The following ARID4A variants were observed in gnomAD, a reference collection of about 807,000 sequenced individuals.
The protein encoded by ARID4A is AT-rich interaction domain 4A.
Under a neutral mutation model 148.6 loss-of-function variants are expected in ARID4A, and 39 were observed. That is an observed-to-expected ratio of 0.26 (90% CI 0.20 to 0.34). The LOEUF is 0.34. Among genes scored for constraint, ARID4A ranks in the 10% least tolerant of loss-of-function variants. The probability of loss-of-function intolerance (pLI) is 1.00; values close to 1 mark genes in which losing one functional copy is unlikely to be tolerated. For missense variants in ARID4A, 1,265 were observed against 1,449.1 expected, an observed-to-expected ratio of 0.87 and a Z score of 2.06; for synonymous variants, 475 against 481.2, an observed-to-expected ratio of 0.99 and a Z score of 0.17.
chr14:58,332,655 T>C (rs141209401), intron 11 of ARID4A, among the ~76,000 whole-genome samples: 59 of 152,232 alleles, frequency 3.9e-4, no homozygotes, highest in African/African-American at 1.4e-3. Context: ...GTAAAATGAA[T>C]AAAAATCTGA....
At chr14:58,346,743 C>A (rs2034382187) in intron 13 of ARID4A, among the ~76,000 whole-genome samples, 1 of 151,108 alleles carries the variant, frequency 6.6e-6, no homozygotes, top group Non-Finnish European at 1.5e-5. Context: ...GCCTGGGCAA[C>A]ATGGCGAAAC....
At chr14:58,328,163 A>G in intron 8 of ARID4A, 74 bp from the exon 9 acceptor site, 3 of 1,085,446 alleles carry the variant, frequency 2.8e-6, no homozygotes, top group Non-Finnish European at 4.2e-6. Flanking sequence ...GGGATCCAGA[A>G]TTGTTCTTTT....
At position 58,351,101 on chromosome 14, in the gene ARID4A, A is replaced by T. The variant is rs1006687529; in HGVS notation, c.1433A>T (p.Asn478Ile). The change falls in exon 16 of 24, where the codon AAT becomes ATT. Residue 478 changes from asparagine (N) to isoleucine (I), a missense_variant. This residue lies in a region of ARID4A where 205 missense variants were observed against 196.9 expected (regional missense o/e 1.04). Coordinates refer to ENST00000355431, the MANE Select transcript of ARID4A (RefSeq NM_002892.4). Reference protein sequence around the residue: ...RGRRRIARDVNSIKKEIEEEK... With the variant: ...RGRRRIARDVISIKKEIEEEK... ...CGAAGGAGAATTGCTCGAGATGTAAATTCTATTAAAAAGGAAATTGAAGAA... is the reference window on the plus strand; with the variant it reads ...CGAAGGAGAATTGCTCGAGATGTAATTTCTATTAAAAAGGAAATTGAAGAA... 1 of 1,598,378 alleles carries T rather than the reference A, an allele frequency of 6.3e-7. No homozygotes were observed. The highest frequency in any genetic ancestry group is 8.5e-7 in the Non-Finnish European group (1 of 1,176,494).
chr14:58,316,819 G>T (rs2032450644), intron 5 of ARID4A, among the ~76,000 whole-genome samples: 1 of 151,874 alleles, frequency 6.6e-6, no homozygotes, highest in Non-Finnish European at 1.5e-5. Flanking sequence ...ACCTCAGGTG[G>T]TCCGCCCGCC....
At chr14:58,369,201 T>G (rs1359839459) in intron 23 of ARID4A, among the ~76,000 whole-genome samples, 1 of 152,060 alleles carries the variant, frequency 6.6e-6, no homozygotes, top group Admixed American at 6.6e-5. Context: ...CAAGAGGAAG[T>G]TGTCATCAAA....
rs1400796145 is a variant in ARID4A, at chr14:58,366,188, C to G, written c.3481C>G (p.Pro1161Ala). 6.2e-7 allele frequency: 1 copy of G among 1,613,680 alleles called. No individual in the cohort carries two copies. The highest frequency in any genetic ancestry group is 1.3e-5 in the African/African-American group (1 of 74,886). ...GAAAGATAAACACAGAGAAAAACAT[C>G]CGAATTCATCCCCTAGGACATATAA... ...GEKDKHREKH[P>A]NSSPRTYKWS... Residue 1161 changes from proline to alanine, a missense_variant, in exon 22 of 24, where the codon CCG becomes GCG. By Grantham distance (27) the Pro-to-Ala change is conservative. Coordinates refer to ENST00000355431, the MANE Select transcript of ARID4A (RefSeq NM_002892.4).
At position 58,344,683 on chromosome 14, in the gene ARID4A, T is replaced by G. The variant is rs2034271387; in HGVS notation, c.907-12T>G. On this transcript the variant is annotated splice_polypyrimidine_tract_variant and intron_variant, in intron 11 of 23. Transcript: ENST00000355431. ...TCACTGTGCCATACATTTATATATT[T>G]TATCTTTACAGCCTGAGGAAGAACT... 3.1e-6 allele frequency: 5 copies of G among 1,596,272 alleles called. No homozygotes were observed. The highest frequency in any genetic ancestry group is 4.3e-6 in the Non-Finnish European group (5 of 1,167,782).
intron 11 of ARID4A, among the ~76,000 whole-genome samples, chr14:58,343,888 C>CT (rs1465093423): frequency 6.6e-6 from 1 of 151,612 alleles, no homozygotes; most frequent in Non-Finnish European, 1.5e-5. Context: ...GAGTAATACT[C>CT]TAAGTTATGA....
chr14:58,370,732 C>T (rs2035571002), intron 23 of ARID4A, among the ~76,000 whole-genome samples: 1 of 152,090 alleles, frequency 6.6e-6, no homozygotes, highest in South Asian at 2.1e-4. Flanking sequence ...ACCTCAGCCT[C>T]CCGAGTAGCT....
chr14:58,317,396 C>T (rs560451510), intron 5 of ARID4A, among the ~76,000 whole-genome samples: 67 of 147,966 alleles, frequency 4.5e-4, no homozygotes, highest in Non-Finnish European at 7.8e-4. Flanking sequence ...GCCATTCTCC[C>T]GCCTCAGCCT....
intron 15 of ARID4A, among the ~76,000 whole-genome samples, 194 bp downstream of exon 15, chr14:58,348,072 T>G (rs2034458233): frequency 6.6e-6 from 1 of 152,166 alleles, no homozygotes; most frequent in African/African-American, 2.4e-5. Flanking sequence ...CCTTCTGTTT[T>G]CTGTTTATAT....
chr14:58,329,937 A>ATGCCTTTTCTATTGT, intron 10 of ARID4A, 66 bp from the exon 11 acceptor site: 3 of 1,530,852 alleles, frequency 2.0e-6, no homozygotes, highest in Non-Finnish European at 2.6e-6. Context: ...TCTGAATGCC[A>ATGCCTTTTCTATTGT]TGCCTTTTCT....
rs1234499330 is a variant in ARID4A at position 58,329,666 on chromosome 14, T to G, written c.739+62T>G. 4 of 1,360,612 alleles carry G rather than the reference T, an allele frequency of 2.9e-6. No homozygotes were observed. The East Asian group carries it at 6.9e-5, about 23-fold the overall frequency. The allele number at this position is 1,360,612 out of a possible 1,614,324, so 84.3% of individuals were successfully genotyped here. ...GTGGCTCTATTTGGAAAATAGCAAA[T>G]AAAGCAAGACTGATACTCTCTGGTA... On this transcript the variant is annotated intron_variant, in intron 10 of 23. Transcript: ENST00000355431.
Position 58,364,367 on chromosome 14 carries a change from T to C in ARID4A, c.2278T>C (p.Leu760=), listed in dbSNP as rs960985549. 1 of 1,597,140 alleles carries C rather than the reference T, an allele frequency of 6.3e-7. No individual in the cohort carries two copies. Among genetic ancestry groups the C allele is most frequent in the African/African-American group, 1.4e-5 (1 of 73,570 alleles). Residue 760 remains leucine (L), a synonymous_variant, in exon 20 of 24, where the codon TTA becomes CTA. Transcript: ENST00000355431. ...TQMQPLETLK[L]EVGENEQIVQ... ...AATGCAGCCTTTAGAAACCCTGAAGTTAGAAGTTGGAGAGAATGAACAAAT... is the reference window on the plus strand; with the variant it reads ...AATGCAGCCTTTAGAAACCCTGAAGCTAGAAGTTGGAGAGAATGAACAAAT...
chr14:58,352,951 A>C (rs1369892781), intron 16 of ARID4A, among the ~76,000 whole-genome samples: 3 of 152,194 alleles, frequency 2.0e-5, no homozygotes. Flanking sequence ...ATTCAACACA[A>C]ATGTAAAGCT....
rs755549186 is a variant in ARID4A, at chr14:58,353,815, G to A, written c.1813G>A (p.Glu605Lys). Residue 605 changes from glutamate (E) to lysine (K), a missense_variant, in exon 17 of 24, where the codon GAA becomes AAA. Transcript: ENST00000355431. ...SIKSTEIDDG[E>K]VLYLVHYYGW... is the part of the protein sequence containing the mutation. ...TAAAAGCACTGAAATTGATGACGGAGAAGTTTTATATTTGGTACATTACTA... is the reference window on the plus strand; with the variant it reads ...TAAAAGCACTGAAATTGATGACGGAAAAGTTTTATATTTGGTACATTACTA... 1.2e-6 allele frequency: 2 copies of A among 1,613,738 alleles called. No homozygotes were observed. Among genetic ancestry groups the A allele is most frequent in the Non-Finnish European group, 8.5e-7 (1 of 1,179,956 alleles).
At chr14:58,318,078 A>C (rs1208491360) in intron 5 of ARID4A, among the ~76,000 whole-genome samples, 1 of 152,198 alleles carries the variant, frequency 6.6e-6, no homozygotes, top group Non-Finnish European at 1.5e-5. Context: ...CATGTGTAGT[A>C]GGTTATCATG....
intron 11 of ARID4A, among the ~76,000 whole-genome samples, chr14:58,331,996 C>A (rs1276773288): frequency 5.7e-4 from 3 of 5,236 alleles, no homozygotes; most frequent in South Asian, 4.7e-3. Flanking sequence ...ATTTTCCCTA[C>A]CCCCCCCCCC....
At chr14:58,339,763 G>C (rs531163878) in intron 11 of ARID4A, among the ~76,000 whole-genome samples, 1 of 152,116 alleles carries the variant, frequency 6.6e-6, no homozygotes, top group South Asian at 2.1e-4. Context: ...TGTACAGGAG[G>C]CATGGCTGGG....
Sources: gnomAD v4.1 joint callset for allele counts (sites outside exome capture counted in the v4.1 genomes callset) on GRCh38, gnomAD v4.1.1 for gene constraint, gnomAD v4.1.1 regional missense constraint, MANE v1.5 for transcripts, NCBI Gene and HGNC (gene_info 2026-07-23, HGNC 2026-07-21) for gene names.